Variants in GLRA1 observed in about 807,000 individuals in gnomAD.
The protein encoded by GLRA1 is glycine receptor subunit alpha-1.
In GLRA1, 37 loss-of-function variants were observed where a neutral mutation model predicts 48.3. The ratio of observed to expected loss-of-function variants is 0.77; its 90% CI spans 0.59 to 1.01. The LOEUF is 1.01. GLRA1 is among the 50% of genes least tolerant of loss of function. The pLI, the probability that GLRA1 is intolerant of heterozygous loss-of-function variation, is 0.00. For synonymous variants in GLRA1, 196 were observed against 210.7 expected (o/e 0.93, Z 0.60); for missense variants, 427 against 571.0 (o/e 0.75, Z 2.57).
At chr5:151,881,781 G>T (rs1753769765) in intron 3 of GLRA1, among the ~76,000 whole-genome samples, 1 of 152,170 alleles carries the variant, frequency 6.6e-6, no homozygotes, top group Admixed American at 6.5e-5. Flanking sequence ...TTTGCTGGCT[G>T]CCTCTCTGCT....
At chr5:151,851,127 G>C (rs10079059) in intron 7 of GLRA1, among the ~76,000 whole-genome samples, 1 of 152,146 alleles carries the variant, frequency 6.6e-6, no homozygotes, top group Non-Finnish European at 1.5e-5. Context: ...AGTAAATGAA[G>C]CAGAATGTGT....
At chr5:151,883,251 T>C (rs1170690143) in intron 3 of GLRA1, among the ~76,000 whole-genome samples, 3 of 152,202 alleles carry the variant, frequency 2.0e-5, no homozygotes, top group Admixed American at 6.5e-5. Context: ...TCCTTTGTTA[T>C]CTCCATTATC....
intron 1 of GLRA1, among the ~76,000 whole-genome samples, chr5:151,894,569 A>G (rs1180247082): frequency 2.0e-5 from 3 of 151,582 alleles, no homozygotes; most frequent in Admixed American, 2.0e-4. Context: ...CCATAAACTC[A>G]CTCACCAGGT....
chr5:151,827,301 G>A (rs1763299390), intron 8 of GLRA1, among the ~76,000 whole-genome samples: 1 of 151,858 alleles, frequency 6.6e-6, no homozygotes, highest in South Asian at 2.1e-4. Context: ...CTTCAATGTA[G>A]TTTAGAAGGA....
At chr5:151,838,626 G>A (rs1763634059) in intron 7 of GLRA1, among the ~76,000 whole-genome samples, 1 of 152,166 alleles carries the variant, frequency 6.6e-6, no homozygotes, top group Admixed American at 6.6e-5. Context: ...AGATTATATG[G>A]TCTGAGGAAC....
chr5:151,875,895 T>A (rs1753615429), intron 3 of GLRA1, among the ~76,000 whole-genome samples: 1 of 152,180 alleles, frequency 6.6e-6, no homozygotes, highest in Non-Finnish European at 1.5e-5. Flanking sequence ...GGCTGTGCCA[T>A]TTATTGGCTG....
chr5:151,900,753 C>A (rs1243041694), intron 1 of GLRA1, among the ~76,000 whole-genome samples: 1 of 152,176 alleles, frequency 6.6e-6, no homozygotes, highest in East Asian at 1.9e-4. Flanking sequence ...CTGTTTCAAG[C>A]CAAACTTTCA....
intron 7 of GLRA1, among the ~76,000 whole-genome samples, chr5:151,831,910 C>T (rs564319874): frequency 6.6e-6 from 1 of 152,290 alleles, no homozygotes; most frequent in South Asian, 2.1e-4. Context: ...CTGGCTGGCA[C>T]CTGGCAGGTG....
In GLRA1 at chr5:151,850,816, C is replaced by T. The variant is rs772692626; in HGVS notation, c.912+574G>A. On this transcript the variant is annotated intron_variant, in intron 7 of 8. Transcript: ENST00000274576. ...CTAAGTGGACAAGACCTCCAGCCGT[C>T]GAGCCCCTCCTAGTTCTTCATCCCA... The T allele has an allele frequency of 1.1e-4, 82 of 756,002 alleles. 1 individual carries two copies. Among genetic ancestry groups the T allele is most frequent in the Non-Finnish European group, 4.8e-5 (20 of 416,624 alleles). 46.8% of individuals were successfully genotyped at this position (756,002 alleles called of 1,614,324 possible).
chr5:151,822,966 G>C lies in GLRA1; in HGVS notation c.1060-3C>G. ...CGGCCTTCTCCAGCTTCATCCTCCTGGAATAGATTCAACATGGGGCTCTAC... is the reference window on the plus strand; with the variant it reads ...CGGCCTTCTCCAGCTTCATCCTCCTCGAATAGATTCAACATGGGGCTCTAC... On this transcript the variant is annotated splice_region_variant and splice_polypyrimidine_tract_variant and intron_variant, in intron 8 of 8. Transcript: ENST00000274576. 6.3e-7 allele frequency: 1 copy of C among 1,598,024 alleles called. No individual in the cohort carries two copies. Among genetic ancestry groups the C allele is most frequent in the Non-Finnish European group, 8.5e-7 (1 of 1,170,950 alleles).
At chr5:151,856,509 G>GT (rs1753048118) in intron 4 of GLRA1, 126 bp from the exon 5 acceptor site, 3 of 661,100 alleles carry the variant, frequency 4.5e-6, no homozygotes, top group Non-Finnish European at 2.8e-6. Flanking sequence ...ACTTGTGTTT[G>GT]TTTTTTTGTT....
intron 1 of GLRA1, among the ~76,000 whole-genome samples, chr5:151,893,360 C>CTTTCTTTCTTTT (rs1754147012): frequency 1.0e-5 from 1 of 97,038 alleles, no homozygotes; most frequent in Non-Finnish European, 2.2e-5. Flanking sequence ...TTCTTTCTTT[C>CTTTCTTTCTTTT]ATTTTAGTTC....
intron 3 of GLRA1, among the ~76,000 whole-genome samples, chr5:151,882,352 G>T (rs1384491633): frequency 2.0e-5 from 3 of 152,190 alleles, no homozygotes; most frequent in African/African-American, 7.2e-5. Flanking sequence ...TATGGGGGTT[G>T]TTATCAAGCC....
intron 3 of GLRA1, among the ~76,000 whole-genome samples, chr5:151,869,082 A>G (rs1314053567): frequency 1.3e-5 from 2 of 151,698 alleles, no homozygotes; most frequent in African/African-American, 2.4e-5. Flanking sequence ...TATTGGGTGT[A>G]TTGGATGTCT....
chr5:151,833,137 C>G (rs1486741875), intron 7 of GLRA1, among the ~76,000 whole-genome samples: 4 of 152,198 alleles, frequency 2.6e-5, no homozygotes, highest in Non-Finnish European at 5.9e-5. Context: ...CTCACAAGAA[C>G]TCCTGAAGGA....
At chr5:151,831,941 C>T (rs1302532768) in intron 7 of GLRA1, among the ~76,000 whole-genome samples, 1 of 152,180 alleles carries the variant, frequency 6.6e-6, no homozygotes. Flanking sequence ...ATGAAGCTTC[C>T]AGAGGAAGGA....
chr5:151,833,609 A>G (rs933981881), intron 7 of GLRA1, among the ~76,000 whole-genome samples: 5 of 152,156 alleles, frequency 3.3e-5, no homozygotes, highest in African/African-American at 1.2e-4. Flanking sequence ...GATTACAGGC[A>G]TGCGCCACCA....
Position 151,849,217 on chromosome 5 carries a change from T to TCTTCCTTCCTTC in GLRA1, c.912+2161_912+2172dup, listed in dbSNP as rs1292723314. ...CTTTCTTTTCTTTCTTTCCTTCCTTTCTTCCTTCCTTCCTTCCTTCCTTCC... is the reference window on the plus strand; with the variant it reads ...CTTTCTTTTCTTTCTTTCCTTCCTTTCTTCCTTCCTTCCTTCCTTCCTTCCTTCCTTCCTTCC... On this transcript the variant is annotated intron_variant, in intron 7 of 8. Coordinates refer to ENST00000274576, the MANE Select transcript of GLRA1 (RefSeq NM_000171.4). Among the ~76,000 whole-genome samples the TCTTCCTTCCTTC allele has an allele frequency of 5.6e-4, 35 of 62,964 alleles. 3 individuals carry two copies. Among genetic ancestry groups the TCTTCCTTCCTTC allele is most frequent in the Admixed American group, 9.0e-4 (6 of 6,660 alleles). The allele number at this position is 62,964 out of a possible 152,430, so 41.3% of individuals were successfully genotyped here. A position where few individuals can be genotyped will look rare whatever the true frequency, so the allele number is the denominator to read the frequency against.
At chr5:151,882,800 A>G (rs1561570403) in intron 3 of GLRA1, among the ~76,000 whole-genome samples, 1 of 152,112 alleles carries the variant, frequency 6.6e-6, no homozygotes, top group Non-Finnish European at 1.5e-5. Flanking sequence ...TTAAACACAC[A>G]AATAATTAAG....
Sources: allele counts gnomAD v4.1 joint callset (sites outside exome capture counted in the v4.1 genomes callset), GRCh38; gene constraint gnomAD v4.1.1; transcripts MANE v1.5; gene names NCBI Gene and HGNC (gene_info 2026-07-23, HGNC 2026-07-21).